Variants in GLRA1 observed in about 807,000 individuals in gnomAD.
GLRA1 encodes glycine receptor subunit alpha-1.
Under a neutral mutation model 48.3 loss-of-function variants are expected in GLRA1, and 37 were observed. That is an observed-to-expected ratio of 0.77 (90% CI 0.59 to 1.01). The LOEUF (loss-of-function observed/expected upper bound fraction) is 1.01. Ranked by LOEUF, GLRA1 falls within the 50% of genes least tolerant of loss-of-function variation. The pLI, the probability that GLRA1 is intolerant of heterozygous loss-of-function variation, is 0.00. For synonymous variants in GLRA1, 196 were observed against 210.7 expected (o/e 0.93, Z 0.60); for missense variants, 427 against 571.0 (o/e 0.75, Z 2.57).
intron 3 of GLRA1, 134 bp from the exon 4 acceptor site, chr5:151,860,142 G>C (rs1204191465): frequency 1.1e-5 from 8 of 713,054 alleles, no homozygotes; most frequent in Non-Finnish European, 1.8e-5. Context: ...TTATATGGGG[G>C]TGAGACATAA....
rs199505206 is a variant in GLRA1 at position 151,827,029 on chromosome 5, G to GTT, written c.1059+1890_1059+1891dup. On this transcript the variant is annotated intron_variant, in intron 8 of 8. Coordinates refer to ENST00000274576, the MANE Select transcript of GLRA1 (RefSeq NM_000171.4). ...TTGGTCAGTTTCTTTCTTTCTTTCT[G>GTT]TTTTTTTTTTTTTTTTTGAGACAAA... Among the ~76,000 whole-genome samples, 999 of 126,754 alleles carry GTT rather than the reference G, an allele frequency of 7.9e-3. 20 individuals carry two copies. Among genetic ancestry groups the GTT allele is most frequent in the African/African-American group, 0.014 (500 of 34,540 alleles). 83.2% of individuals were successfully genotyped at this position (126,754 alleles called of 152,430 possible). A position where few individuals can be genotyped will look rare whatever the true frequency, so the allele number is the denominator to read the frequency against.
At chr5:151,844,906 G>T (rs1235737495) in intron 7 of GLRA1, among the ~76,000 whole-genome samples, 2 of 152,142 alleles carry the variant, frequency 1.3e-5, no homozygotes, top group Non-Finnish European at 2.9e-5. Context: ...GCCTCAGGCT[G>T]CTTCCACTCA....
chr5:151,872,462 T>C (rs893137606), intron 3 of GLRA1, among the ~76,000 whole-genome samples: 20 of 149,830 alleles, frequency 1.3e-4, no homozygotes, highest in Non-Finnish European at 2.4e-4. Context: ...ATGTAAATTA[T>C]TGAAGCTTTT....
intron 7 of GLRA1, chr5:151,850,008 C>A (rs1040109859): frequency 5.6e-5 from 90 of 1,602,528 alleles, no homozygotes; most frequent in Admixed American, 4.7e-4. Context: ...CTGCAGTGAC[C>A]AATTTGAGGC....
chr5:151,865,200 G>A (rs1424076178), intron 3 of GLRA1, among the ~76,000 whole-genome samples: 1 of 152,186 alleles, frequency 6.6e-6, no homozygotes, highest in Non-Finnish European at 1.5e-5. Context: ...TATTTATTCA[G>A]CTCCAGAGCC....
chr5:151,883,156 C>T (rs1271615485), intron 3 of GLRA1, among the ~76,000 whole-genome samples: 1 of 152,100 alleles, frequency 6.6e-6, no homozygotes, highest in African/African-American at 2.4e-5. Flanking sequence ...TGTGGTCTAC[C>T]CTCAAGGCAG....
chr5:151,889,132 G>A (rs145702302), intron 2 of GLRA1, among the ~76,000 whole-genome samples: 4 of 152,328 alleles, frequency 2.6e-5, no homozygotes, highest in African/African-American at 9.6e-5. Context: ...ATTTATGTGT[G>A]CGAGAGGACA....
chr5:151,894,208 T>C (rs1384049001), intron 1 of GLRA1, among the ~76,000 whole-genome samples: 1 of 152,154 alleles, frequency 6.6e-6, no homozygotes, highest in Admixed American at 6.5e-5. Flanking sequence ...GCGCATAATG[T>C]TCCCCAAGGA....
chr5:151,893,312 C>CTT (rs1754140870), intron 1 of GLRA1, among the ~76,000 whole-genome samples: 1 of 144,606 alleles, frequency 6.9e-6, no homozygotes, highest in Non-Finnish European at 1.5e-5. Context: ...TTCTTTCTTT[C>CTT]TTTCTTTCTT....
At chr5:151,848,864 G>A in intron 7 of GLRA1, 2 of 607,638 alleles carry the variant, frequency 3.3e-6, no homozygotes, top group African/African-American at 1.8e-5. Context: ...CGCCTGCTCA[G>A]CGCCCAGAAC....
chr5:151,892,622 C>T (rs142072611), intron 1 of GLRA1, among the ~76,000 whole-genome samples, 184 bp from the exon 2 acceptor site: 192 of 152,284 alleles, frequency 1.3e-3, no homozygotes, highest in African/African-American at 4.3e-3. Flanking sequence ...AAATATCAGC[C>T]GGCATGGGAT....
At chr5:151,911,317 T>C (rs1214954704) in intron 1 of GLRA1, among the ~76,000 whole-genome samples, 1 of 152,214 alleles carries the variant, frequency 6.6e-6, no homozygotes, top group African/African-American at 2.4e-5. Flanking sequence ...TCAGGCTCTT[T>C]TGTATGCTCC....
At chr5:151,856,943 G>A (rs1753062136) in intron 4 of GLRA1, among the ~76,000 whole-genome samples, 1 of 152,270 alleles carries the variant, frequency 6.6e-6, no homozygotes, top group Admixed American at 6.5e-5. Context: ...AGTTCTGGCA[G>A]GAAGCATGGT....
At chr5:151,898,960 GA>G (rs1245610114) in intron 1 of GLRA1, among the ~76,000 whole-genome samples, 1 of 152,192 alleles carries the variant, frequency 6.6e-6, no homozygotes, top group Non-Finnish European at 1.5e-5. Context: ...GTTTGAGGTA[GA>G]AGGAACAGCA....
At position 151,891,759 on chromosome 5, in the gene GLRA1, T is replaced by C. The variant is rs368829169; in HGVS notation, c.184+552A>G. On this transcript the variant is annotated intron_variant, in intron 2 of 8. Coordinates refer to ENST00000274576, the MANE Select transcript of GLRA1 (RefSeq NM_000171.4). ...TGGGAAACTTTCAGCTGAAGAATTTTAGTTGGGAGCCCATTATTGAAAATA... is the reference window on the plus strand; with the variant it reads ...TGGGAAACTTTCAGCTGAAGAATTTCAGTTGGGAGCCCATTATTGAAAATA... 4.7e-4 allele frequency among the ~76,000 whole-genome samples: 71 copies of C among 152,312 alleles called. No homozygotes were observed. In the South Asian group the frequency reaches 0.013, roughly 29 times the overall value.
At chr5:151,849,875 A>C in intron 7 of GLRA1, 1 of 1,462,350 alleles carries the variant, frequency 6.8e-7, no homozygotes, top group East Asian at 2.5e-5. Flanking sequence ...TGGCTCTAGT[A>C]TTTTACAGTC....
At chr5:151,840,872 C>A (rs1489777880) in intron 7 of GLRA1, among the ~76,000 whole-genome samples, 1 of 151,992 alleles carries the variant, frequency 6.6e-6, no homozygotes, top group African/African-American at 2.4e-5. Context: ...AACAGAGCCC[C>A]AAAATATATG....
At chr5:151,872,151 A>G (rs1461971679) in intron 3 of GLRA1, among the ~76,000 whole-genome samples, 1 of 149,714 alleles carries the variant, frequency 6.7e-6, no homozygotes, top group Non-Finnish European at 1.5e-5. Flanking sequence ...CTGTTTAAGA[A>G]ATGGTGTTGG....
chr5:151,887,769 A>G (rs1365877806), intron 2 of GLRA1, among the ~76,000 whole-genome samples: 1 of 152,226 alleles, frequency 6.6e-6, no homozygotes, highest in African/African-American at 2.4e-5. Flanking sequence ...TGGGTTTCCA[A>G]ATAAGCTGAC....
Sources: allele counts gnomAD v4.1 joint callset (sites outside exome capture counted in the v4.1 genomes callset), GRCh38; gene constraint gnomAD v4.1.1; transcripts MANE v1.5; gene names NCBI Gene and HGNC (gene_info 2026-07-23, HGNC 2026-07-21).